Variants in PEX5L observed in about 807,000 individuals in gnomAD.
PEX5L encodes the protein PEX5-related protein.
In PEX5L, 30 loss-of-function variants were observed where a neutral mutation model predicts 84.0. The observed-to-expected ratio is 0.36, with a 90% CI of 0.27 to 0.48. The LOEUF (loss-of-function observed/expected upper bound fraction) is 0.48, where lower values mean the gene tolerates loss of function less well. PEX5L is among the 20% of genes least tolerant of loss of function. PEX5L has a pLI of 0.99. For missense variants in PEX5L, 533 were observed against 754.6 expected (o/e 0.71, Z 3.44); for synonymous variants, 270 against 283.1 (o/e 0.95, Z 0.46).
chr3:179,895,325 C>A (rs896256253), intron 3 of PEX5L, among the ~76,000 whole-genome samples: 1 of 152,050 alleles, frequency 6.6e-6, no homozygotes, highest in Non-Finnish European at 1.5e-5. Context: ...GGTTCAGGAG[C>A]CACATAAAGC....
At chr3:179,995,738 G>A (rs1787828781) in intron 1 of PEX5L, among the ~76,000 whole-genome samples, 1 of 152,166 alleles carries the variant, frequency 6.6e-6, no homozygotes, top group Admixed American at 6.5e-5. Context: ...CTCCTGTAGA[G>A]AATGAGCTGA....
At chr3:179,897,416 G>C (rs937326308) in intron 3 of PEX5L, among the ~76,000 whole-genome samples, 2 of 152,046 alleles carry the variant, frequency 1.3e-5, no homozygotes, top group Non-Finnish European at 2.9e-5. Context: ...GATTTTACAG[G>C]GTGTTTCAAA....
chr3:179,854,132 G>A (rs1743002275), intron 8 of PEX5L, among the ~76,000 whole-genome samples: 1 of 149,828 alleles, frequency 6.7e-6, no homozygotes, highest in Non-Finnish European at 1.5e-5. Context: ...TTACAGGCAT[G>A]AGGCACCACG....
intron 10 of PEX5L, among the ~76,000 whole-genome samples, chr3:179,815,014 T>C (rs986282521): frequency 2.0e-5 from 3 of 152,208 alleles, no homozygotes; most frequent in African/African-American, 7.2e-5. Flanking sequence ...GGCTGGATGC[T>C]TTCTAGTCTC....
At chr3:179,866,725 G>A (rs1218839112) in intron 7 of PEX5L, among the ~76,000 whole-genome samples, 1 of 151,786 alleles carries the variant, frequency 6.6e-6, no homozygotes, top group East Asian at 1.9e-4. Flanking sequence ...ACAAACATTT[G>A]TCATTGAAAG....
intron 2 of PEX5L, among the ~76,000 whole-genome samples, chr3:179,922,557 TCC>T (rs1769889172): frequency 6.6e-6 from 1 of 151,588 alleles, no homozygotes; most frequent in African/African-American, 2.4e-5. Flanking sequence ...CAAGTGATTC[TCC>T]CACCTCAGCC....
chr3:179,817,540 G>C (rs1160512656), intron 9 of PEX5L, among the ~76,000 whole-genome samples: 1 of 152,176 alleles, frequency 6.6e-6, no homozygotes, highest in East Asian at 1.9e-4. Flanking sequence ...TTAGGTTAAA[G>C]GTTATGAGCT....
chr3:179,917,855 C>T (rs527449651), intron 2 of PEX5L, among the ~76,000 whole-genome samples: 12 of 152,260 alleles, frequency 7.9e-5, no homozygotes, highest in African/African-American at 2.9e-4. Flanking sequence ...GACAGGGCTT[C>T]TCCATGTTGG....
At chr3:179,832,844 C>A (rs1179686487) in intron 8 of PEX5L, among the ~76,000 whole-genome samples, 2 of 152,104 alleles carry the variant, frequency 1.3e-5, no homozygotes, top group Non-Finnish European at 2.9e-5. Context: ...TACCCACCTA[C>A]CTACCTACCC....
chr3:179,905,111 C>A (rs534848211), intron 2 of PEX5L, among the ~76,000 whole-genome samples: 1 of 152,298 alleles, frequency 6.6e-6, no homozygotes, highest in East Asian at 1.9e-4. Flanking sequence ...AAAACACACT[C>A]TCTAAAAGCC....
intron 1 of PEX5L, among the ~76,000 whole-genome samples, chr3:180,013,431 A>C (rs1233107502): frequency 1.3e-5 from 2 of 152,172 alleles, no homozygotes; most frequent in Non-Finnish European, 2.9e-5. Context: ...TACAAAACAA[A>C]ACAAATTCCT....
chr3:180,014,791 C>T (rs1373639855), intron 1 of PEX5L, among the ~76,000 whole-genome samples: 1 of 150,252 alleles, frequency 6.7e-6, no homozygotes, highest in Non-Finnish European at 1.5e-5. Context: ...AGCAGAGGAA[C>T]AAAGAAAAAC....
chr3:179,981,227 A>G (rs1231661397), intron 1 of PEX5L, among the ~76,000 whole-genome samples: 1 of 152,134 alleles, frequency 6.6e-6, no homozygotes, highest in Non-Finnish European at 1.5e-5. Context: ...AGGAAGGCCA[A>G]GTCTTGAAAA....
chr3:180,006,956 C>A (rs375053649), intron 1 of PEX5L, among the ~76,000 whole-genome samples: 15 of 152,224 alleles, frequency 9.9e-5, no homozygotes, highest in Admixed American at 3.9e-4. Context: ...ATCTCATGTC[C>A]TTACATTTCA....
At chr3:179,929,513 C>A (rs1391532014) in intron 2 of PEX5L, among the ~76,000 whole-genome samples, 1 of 134,016 alleles carries the variant, frequency 7.5e-6, no homozygotes. Context: ...TTTGGTAAGT[C>A]AGAAGCTGTT....
At chr3:179,880,964 C>G (rs1043473624) in intron 4 of PEX5L, 3 of 152,388 alleles carry the variant, frequency 2.0e-5, no homozygotes, top group African/African-American at 7.2e-5. Context: ...ACAGCTCTAC[C>G]TTTCCACCAG....
intron 2 of PEX5L, among the ~76,000 whole-genome samples, chr3:179,941,536 G>A (rs1776092878): frequency 6.6e-6 from 1 of 152,300 alleles, no homozygotes; most frequent in East Asian, 1.9e-4. Flanking sequence ...AAGGGACTGA[G>A]AATCAGGGAA....
chr3:180,028,253 T>G (rs1791142665), intron 1 of PEX5L, among the ~76,000 whole-genome samples: 1 of 152,288 alleles, frequency 6.6e-6, no homozygotes, highest in South Asian at 2.1e-4. Context: ...CTATGCTTAT[T>G]CAAATGGCCA....
chr3:179,977,726 A>G (rs937181912), intron 1 of PEX5L, among the ~76,000 whole-genome samples: 16 of 152,108 alleles, frequency 1.1e-4, no homozygotes, highest in Non-Finnish European at 2.4e-4. Context: ...CAGATGTTTA[A>G]TTTTTCTTAG....
Sources: gnomAD v4.1 joint callset for allele counts (sites outside exome capture counted in the v4.1 genomes callset) on GRCh38, gnomAD v4.1.1 for gene constraint, MANE v1.5 for transcripts, NCBI Gene and HGNC (gene_info 2026-07-23, HGNC 2026-07-21) for gene names.